TSHZ1: variants seen among roughly 807,000 people sequenced by gnomAD.
TSHZ1 encodes teashirt zinc finger homeobox 1.
Under a neutral mutation model 67.1 loss-of-function variants are expected in TSHZ1, and 12 were observed. The observed-to-expected ratio is 0.18, with a 90% CI of 0.11 to 0.29. The LOEUF (loss-of-function observed/expected upper bound fraction) is 0.29. TSHZ1 is among the 10% of genes least tolerant of loss of function. The pLI, the probability that TSHZ1 is intolerant of heterozygous loss-of-function variation, is 1.00. For missense variants in TSHZ1, 1,305 were observed against 1,413.9 expected (o/e 0.92, Z 1.23); for synonymous variants, 632 against 622.4 (o/e 1.02, Z -0.23).
At chr18:75,257,676 C>A (rs952068414) in intron 1 of TSHZ1, among the ~76,000 whole-genome samples, 1 of 151,892 alleles carries the variant, frequency 6.6e-6, no homozygotes, top group Non-Finnish European at 1.5e-5. Context: ...GCTTTTGCCT[C>A]TGGGATCTCT....
At chr18:75,247,237 G>A (rs1219356661) in intron 1 of TSHZ1, among the ~76,000 whole-genome samples, 1 of 152,162 alleles carries the variant, frequency 6.6e-6, no homozygotes, top group Non-Finnish European at 1.5e-5. Flanking sequence ...AACAGGAGGT[G>A]GAATGGCCAG....
chr18:75,224,579 T>C (rs1159343799), intron 1 of TSHZ1, among the ~76,000 whole-genome samples: 1 of 152,206 alleles, frequency 6.6e-6, no homozygotes, highest in Admixed American at 6.5e-5. Context: ...TTTTAATGTA[T>C]GATCCCCCCC....
chr18:75,216,061 G>A (rs1481237347), intron 1 of TSHZ1, among the ~76,000 whole-genome samples: 3 of 152,098 alleles, frequency 2.0e-5, no homozygotes, highest in Non-Finnish European at 4.4e-5. Flanking sequence ...AGATTTAGGC[G>A]CCGCCTGCGT....
intron 1 of TSHZ1, among the ~76,000 whole-genome samples, chr18:75,277,011 A>C (rs1266023865): frequency 1.3e-5 from 2 of 152,208 alleles, no homozygotes; most frequent in African/African-American, 2.4e-5. Context: ...CACAAGGAAC[A>C]GCATTTCTGC....
chr18:75,254,071 G>A (rs927195666), intron 1 of TSHZ1, among the ~76,000 whole-genome samples: 23 of 152,172 alleles, frequency 1.5e-4, no homozygotes, highest in African/African-American at 3.6e-4. Flanking sequence ...TTTCATGGTC[G>A]TCTTTAAGCT....
chr18:75,255,999 A>G (rs996888785), intron 1 of TSHZ1, among the ~76,000 whole-genome samples: 1 of 152,246 alleles, frequency 6.6e-6, no homozygotes, highest in Non-Finnish European at 1.5e-5. Flanking sequence ...TCATAGGGAT[A>G]TTGGCCAAGG....
intron 1 of TSHZ1, 142 bp downstream of exon 1, chr18:75,212,058 C>G (rs1280793062): frequency 5.5e-6 from 3 of 546,064 alleles, no homozygotes; most frequent in South Asian, 8.7e-5. Flanking sequence ...TGGCCACAGT[C>G]GTCTGGAGGC....
intron 1 of TSHZ1, among the ~76,000 whole-genome samples, chr18:75,232,208 C>T (rs192226632): frequency 0.01 from 1,540 of 152,262 alleles, 18 homozygotes; most frequent in African/African-American, 0.033. Context: ...CCACTGCGCC[C>T]GGACTTTTTT....
chr18:75,212,464 G>T (rs2122506214), intron 1 of TSHZ1, among the ~76,000 whole-genome samples: 1 of 152,208 alleles, frequency 6.6e-6, no homozygotes, highest in South Asian at 2.1e-4. Flanking sequence ...ACAAGGCAGT[G>T]ATAGTGCAGA....
chr18:75,225,450 G>A (rs1242691236), intron 1 of TSHZ1, among the ~76,000 whole-genome samples: 1 of 152,196 alleles, frequency 6.6e-6, no homozygotes. Flanking sequence ...TGTCCACGCC[G>A]CTTTCTTCTG....
chr18:75,238,895 T>A (rs1000484963), intron 1 of TSHZ1, among the ~76,000 whole-genome samples: 2 of 152,248 alleles, frequency 1.3e-5, no homozygotes, highest in African/African-American at 4.8e-5. Flanking sequence ...ATTCAGTCAT[T>A]CCTTTAGCCT....
At chr18:75,249,955 C>T (rs1471896471) in intron 1 of TSHZ1, among the ~76,000 whole-genome samples, 2 of 149,922 alleles carry the variant, frequency 1.3e-5, no homozygotes, top group African/African-American at 2.5e-5. Context: ...TCCTCTTCCT[C>T]GTCTCACCCC....
chr18:75,224,663 G>T (rs986930978), intron 1 of TSHZ1, among the ~76,000 whole-genome samples: 2 of 152,072 alleles, frequency 1.3e-5, no homozygotes, highest in African/African-American at 2.4e-5. Context: ...ATTTGGACTC[G>T]ATTTGGAGCC....
intron 1 of TSHZ1, among the ~76,000 whole-genome samples, chr18:75,246,213 G>A (rs1264598773): frequency 6.6e-6 from 1 of 152,216 alleles, no homozygotes; most frequent in Non-Finnish European, 1.5e-5. Context: ...TCTTTGGAAG[G>A]AAATTGGCCA....
intron 1 of TSHZ1, among the ~76,000 whole-genome samples, chr18:75,258,729 A>C (rs1437760742): frequency 6.6e-6 from 1 of 152,156 alleles, no homozygotes. Context: ...CTAGTGACTT[A>C]TGGCCCTCAG....
chr18:75,239,114 C>T (rs1192650451), intron 1 of TSHZ1, among the ~76,000 whole-genome samples: 3 of 152,254 alleles, frequency 2.0e-5, no homozygotes, highest in African/African-American at 7.2e-5. Flanking sequence ...GCAAGAGTGC[C>T]GTAGTTCTGC....
In TSHZ1 at chr18:75,286,905, A is replaced by G. The variant is rs770425179; in HGVS notation, c.1498A>G (p.Lys500Glu). Residue 500 changes from lysine to glutamate, a missense_variant, in exon 2 of 2, where the codon AAA becomes GAA. Coordinates refer to ENST00000580243, the MANE Select transcript of TSHZ1 (RefSeq NM_001308210.2). The surrounding 1 kb of genome is among the most constrained non-coding windows in gnomAD (Gnocchi z 5.1). The stretch of plus-strand genomic sequence containing the variant: ...GGGGTCCACGACTTCTGAAGAAAAG[A>G]AAGAGCCAGAGAAGGAGAAGCCGCC... ...PAGSTTSEEK[K>E]EPEKEKPPVA... The G allele has an allele frequency of 2.5e-6, 4 of 1,614,196 alleles. No individual in the cohort carries two copies. The highest frequency in any genetic ancestry group is 2.2e-5 in the East Asian group (1 of 44,878).
intron 1 of TSHZ1, among the ~76,000 whole-genome samples, chr18:75,265,007 A>G (rs2023473731): frequency 6.6e-6 from 1 of 152,224 alleles, no homozygotes; most frequent in South Asian, 2.1e-4. Flanking sequence ...TTAAATTGGT[A>G]CGTTAAATAT....
rs536664977 is a variant in TSHZ1, at chr18:75,236,699, C to T, written c.40+24783C>T. On this transcript the variant is annotated intron_variant, in intron 1 of 1. Coordinates refer to ENST00000580243, the MANE Select transcript of TSHZ1 (RefSeq NM_001308210.2). ...GCAGTACTGCCTGGCAAATGATAGG[C>T]GCTCACTAAGTATTTTAGAGTTGCT... 1.4e-4 allele frequency among the ~76,000 whole-genome samples: 21 copies of T among 152,240 alleles called. No individual in the cohort carries two copies. In the East Asian group the frequency reaches 2.5e-3, roughly 18 times the overall value.
Sources: gnomAD v4.1 joint callset for allele counts (sites outside exome capture counted in the v4.1 genomes callset) on GRCh38, gnomAD v4.1.1 for gene constraint, Gnocchi (gnomAD v3.1) non-coding constraint, MANE v1.5 for transcripts, NCBI Gene and HGNC (gene_info 2026-07-23, HGNC 2026-07-21) for gene names.